Variants in ITFG1 observed in about 807,000 individuals in gnomAD.
The protein encoded by ITFG1 is T-cell immunomodulatory protein.
In ITFG1, 34 loss-of-function variants were observed where a neutral mutation model predicts 81.8. The ratio of observed to expected loss-of-function variants is 0.42; its 90% CI spans 0.32 to 0.55. The LOEUF (loss-of-function observed/expected upper bound fraction) is 0.55, where lower values mean the gene tolerates loss of function less well. ITFG1 is among the 20% of genes least tolerant of loss of function. The pLI, the probability that ITFG1 is intolerant of heterozygous loss-of-function variation, is 0.17. For missense variants in ITFG1, 672 were observed against 755.4 expected, an observed-to-expected ratio of 0.89 and a Z score of 1.29; for synonymous variants, 285 against 270.6, an observed-to-expected ratio of 1.05 and a Z score of -0.52.
chr16:47,275,274 T>C (rs1476548861), intron 10 of ITFG1, among the ~76,000 whole-genome samples: 2 of 152,164 alleles, frequency 1.3e-5, no homozygotes, highest in Admixed American at 6.5e-5. Flanking sequence ...ATCCCAGTCC[T>C]CTCCTTTGTT....
chr16:47,433,465 C>T (rs1011673245), intron 5 of ITFG1, among the ~76,000 whole-genome samples: 1 of 152,178 alleles, frequency 6.6e-6, no homozygotes, highest in Non-Finnish European at 1.5e-5. Flanking sequence ...TTGCTTCACT[C>T]ACTCTGGTTT....
At chr16:47,357,845 A>G (rs75244595) in intron 8 of ITFG1, among the ~76,000 whole-genome samples, 97 of 152,248 alleles carry the variant, frequency 6.4e-4, no homozygotes, top group Admixed American at 1.5e-3. Flanking sequence ...TGAATATGTA[A>G]AAAGTCAAGA....
chr16:47,289,766 G>A (rs1031325512), intron 10 of ITFG1, among the ~76,000 whole-genome samples: 2 of 151,544 alleles, frequency 1.3e-5, no homozygotes, highest in South Asian at 2.1e-4. Context: ...CTAGCTATTG[G>A]TAAATTTATG....
intron 5 of ITFG1, among the ~76,000 whole-genome samples, chr16:47,430,705 C>G (rs889570159): frequency 6.6e-6 from 1 of 152,142 alleles, no homozygotes; most frequent in African/African-American, 2.4e-5. Context: ...ACACTACATA[C>G]AAAATTTAAC....
intron 6 of ITFG1, among the ~76,000 whole-genome samples, chr16:47,409,404 ATTTTTTTTTTTTT>A (rs1187071917): frequency 6.6e-4 from 4 of 6,102 alleles, no homozygotes; most frequent in South Asian, 9.8e-3. Context: ...ATATATATAT[ATTTTTTTTTTTTT>A]TTTTTTTTTT....
intron 8 of ITFG1, among the ~76,000 whole-genome samples, chr16:47,357,042 A>T (rs911048378): frequency 5.6e-5 from 8 of 142,534 alleles, no homozygotes; most frequent in African/African-American, 2.1e-4. Context: ...CTGTTGCAAT[A>T]AAAAAAAAAA....
chr16:47,284,038 C>A (rs1056128996), intron 10 of ITFG1, among the ~76,000 whole-genome samples: 1 of 152,156 alleles, frequency 6.6e-6, no homozygotes, highest in South Asian at 2.1e-4. Flanking sequence ...CAAATGACTA[C>A]AATAGGCAAA....
intron 6 of ITFG1, among the ~76,000 whole-genome samples, chr16:47,386,879 T>C (rs1280853174): frequency 6.6e-6 from 1 of 152,070 alleles, no homozygotes; most frequent in Non-Finnish European, 1.5e-5. Flanking sequence ...AATGGAGGTT[T>C]GATGGAAAGC....
intron 14 of ITFG1, among the ~76,000 whole-genome samples, chr16:47,205,901 T>G (rs139660219): frequency 6.6e-6 from 1 of 152,008 alleles, no homozygotes; most frequent in African/African-American, 2.4e-5. Context: ...AGTCTAACTT[T>G]GTTGCCCAGG....
intron 14 of ITFG1, among the ~76,000 whole-genome samples, chr16:47,175,092 T>C (rs1280536087): frequency 6.6e-6 from 1 of 152,056 alleles, no homozygotes; most frequent in African/African-American, 2.4e-5. Context: ...CTGACATTAA[T>C]TAAAATGGAG....
chr16:47,432,146 G>A (rs961305448), intron 5 of ITFG1, among the ~76,000 whole-genome samples: 4 of 152,252 alleles, frequency 2.6e-5, no homozygotes, highest in African/African-American at 4.8e-5. Context: ...AGTGAATGCC[G>A]GCTAGACTGA....
chr16:47,243,004 ATGTT>A (rs1026532326), intron 12 of ITFG1, among the ~76,000 whole-genome samples: 1 of 152,138 alleles, frequency 6.6e-6, no homozygotes, highest in Non-Finnish European at 1.5e-5. Context: ...TTTCAATAAA[ATGTT>A]TATTTAAAAA....
intron 10 of ITFG1, among the ~76,000 whole-genome samples, chr16:47,279,520 T>C (rs1370598027): frequency 2.0e-5 from 3 of 152,208 alleles, no homozygotes; most frequent in African/African-American, 7.2e-5. Context: ...AATACCACAC[T>C]GTCTTGATTA....
intron 5 of ITFG1, among the ~76,000 whole-genome samples, chr16:47,447,258 A>G (rs2151617191): frequency 6.6e-6 from 1 of 152,324 alleles, no homozygotes; most frequent in Admixed American, 6.5e-5. Context: ...GTTTTAATAC[A>G]TTCCAATAAA....
At chr16:47,179,645 A>T (rs1965077848) in intron 14 of ITFG1, among the ~76,000 whole-genome samples, 1 of 152,168 alleles carries the variant, frequency 6.6e-6, no homozygotes, top group African/African-American at 2.4e-5. Flanking sequence ...TATTTAAAAA[A>T]AAAGAAATAA....
chr16:47,311,990 T>G (rs1203599018), intron 9 of ITFG1: 1 of 152,168 alleles, frequency 6.6e-6, no homozygotes, highest in East Asian at 1.9e-4. Flanking sequence ...GACAGGCACT[T>G]CTCAGCCAAG....
intron 12 of ITFG1, among the ~76,000 whole-genome samples, chr16:47,242,161 C>T (rs1298354765): frequency 6.6e-6 from 1 of 151,356 alleles, no homozygotes; most frequent in Non-Finnish European, 1.5e-5. Flanking sequence ...AAGAAAGATA[C>T]CATAAAATTT....
chr16:47,218,350 CTTAT>C (rs900089873), intron 14 of ITFG1: 7 of 152,088 alleles, frequency 4.6e-5, no homozygotes, highest in African/African-American at 1.4e-4. Flanking sequence ...TTTGCTCAAT[CTTAT>C]TTCTTTTATT....
chr16:47,461,012 C>T lies in ITFG1; in HGVS notation c.34G>A (p.Ala12Thr). 1.9e-6 allele frequency: 3 copies of T among 1,552,890 alleles called. No individual in the cohort carries two copies. Among genetic ancestry groups the T allele is most frequent in the Non-Finnish European group, 2.6e-6 (3 of 1,150,062 alleles). ...CCTGCGAGGAGCGGCGAGAAGAGGGCCCAGGAGCTCGGGAGCCGGCCCGCC... is the reference window on the plus strand; with the variant it reads ...CCTGCGAGGAGCGGCGAGAAGAGGGTCCAGGAGCTCGGGAGCCGGCCCGCC... ...AAAGRLPSSW[A>T]LFSPLLAGLA... The change falls in exon 1 of 18, where the codon GCC becomes ACC. Residue 12 changes from alanine to threonine, a missense_variant. Physicochemically the swap from Ala to Thr is moderately conservative, Grantham distance 58 (BLOSUM62 0). Coordinates refer to ENST00000320640, the MANE Select transcript of ITFG1 (RefSeq NM_030790.5).
Sources: allele counts gnomAD v4.1 joint callset (sites outside exome capture counted in the v4.1 genomes callset), GRCh38; gene constraint gnomAD v4.1.1; transcripts MANE v1.5; gene names NCBI Gene and HGNC (gene_info 2026-07-23, HGNC 2026-07-21).